The following TBL1XR1 variants were observed in gnomAD, a reference collection of about 807,000 sequenced individuals.
TBL1XR1 encodes F-box-like/WD repeat-containing protein TBL1XR1.
A neutral mutation model predicts 66.9 loss-of-function variants in TBL1XR1; 5 were observed. That is an observed-to-expected ratio of 0.07 (90% confidence interval 0.04 to 0.16). TBL1XR1 has a LOEUF of 0.16. Ranked by LOEUF, TBL1XR1 falls within the 10% of genes least tolerant of loss-of-function variation. TBL1XR1 has a pLI of 1.00. For missense variants in TBL1XR1, 238 were observed against 623.2 expected (o/e 0.38, Z 6.58); for synonymous variants, 210 against 206.0 (o/e 1.02, Z -0.17).
intron 1 of TBL1XR1, among the ~76,000 whole-genome samples, chr3:177,180,388 T>A (rs1734679142): frequency 8.2e-6 from 1 of 122,500 alleles, no homozygotes; most frequent in African/African-American, 3.2e-5. Context: ...CCCCCCCATT[T>A]AATAGTACCT....
rs1371939844 is a variant in TBL1XR1 at position 177,143,781 on chromosome 3, C to A, written c.-121-45240G>T. ...TATATAAGATGGGTCTCTGATAGTT[C>A]ATTCAGGCTCTAACAGAATTAAATT... On this transcript the variant is annotated intron_variant, in intron 1 of 15. Transcript: ENST00000457928. 8.0e-4 allele frequency among the ~76,000 whole-genome samples: 122 copies of A among 152,280 alleles called. No homozygotes were observed. The South Asian group carries it at 0.023, about 29-fold the overall frequency.
intron 1 of TBL1XR1, among the ~76,000 whole-genome samples, chr3:177,134,657 A>C (rs1438217236): frequency 6.6e-6 from 1 of 151,736 alleles, no homozygotes; most frequent in Non-Finnish European, 1.5e-5. Flanking sequence ...AATTTAAGAG[A>C]CTCTGTTCCT....
At chr3:177,137,307 C>G (rs564826331) in intron 1 of TBL1XR1, among the ~76,000 whole-genome samples, 2 of 152,268 alleles carry the variant, frequency 1.3e-5, no homozygotes, top group East Asian at 3.9e-4. Context: ...GCCTGGGCAA[C>G]ATGGCAAAAC....
intron 2 of TBL1XR1, among the ~76,000 whole-genome samples, chr3:177,072,541 A>G (rs1379996294): frequency 6.6e-6 from 1 of 152,186 alleles, no homozygotes; most frequent in Non-Finnish European, 1.5e-5. Flanking sequence ...TGAAAATCTT[A>G]AATGTTCAAA....
At chr3:177,159,607 C>T (rs1358307428) in intron 1 of TBL1XR1, among the ~76,000 whole-genome samples, 1 of 152,068 alleles carries the variant, frequency 6.6e-6, no homozygotes, top group Admixed American at 6.5e-5. Flanking sequence ...TTATAGCACC[C>T]CTTTGAAGCA....
intron 1 of TBL1XR1, among the ~76,000 whole-genome samples, chr3:177,131,825 A>G (rs186715683): frequency 3.8e-4 from 58 of 151,994 alleles, no homozygotes; most frequent in Admixed American, 3.5e-3. Flanking sequence ...GTCAAATCTT[A>G]AAACACATTA....
At chr3:177,102,356 G>T (rs1724328717) in intron 1 of TBL1XR1, among the ~76,000 whole-genome samples, 1 of 152,066 alleles carries the variant, frequency 6.6e-6, no homozygotes, top group African/African-American at 2.4e-5. Flanking sequence ...AAATTAATCT[G>T]GAAAATTTCT....
intron 15 of TBL1XR1, chr3:177,026,153 A>G: frequency 1.9e-6 from 1 of 519,394 alleles, no homozygotes; most frequent in Non-Finnish European, 3.3e-6. Flanking sequence ...ATAACTGTCC[A>G]TTTCTAGATT....
At chr3:177,110,422 A>G (rs1034488581) in intron 1 of TBL1XR1, among the ~76,000 whole-genome samples, 2 of 152,232 alleles carry the variant, frequency 1.3e-5, no homozygotes, top group African/African-American at 4.8e-5. Context: ...TTACGAATTT[A>G]AAATACCTGA....
intron 1 of TBL1XR1, among the ~76,000 whole-genome samples, chr3:177,140,417 C>T (rs1274885684): frequency 6.6e-6 from 1 of 152,238 alleles, no homozygotes; most frequent in African/African-American, 2.4e-5. Flanking sequence ...GCAGTCTCAT[C>T]CACCACACAA....
At chr3:177,128,087 T>G (rs564619877) in intron 1 of TBL1XR1, among the ~76,000 whole-genome samples, 1 of 151,984 alleles carries the variant, frequency 6.6e-6, no homozygotes, top group Admixed American at 6.6e-5. Flanking sequence ...GGCGTGGTGG[T>G]GCACACCTAT....
chr3:177,062,750 AT>A (rs905066271), intron 3 of TBL1XR1, among the ~76,000 whole-genome samples: 4 of 151,800 alleles, frequency 2.6e-5, no homozygotes, highest in African/African-American at 9.7e-5. Flanking sequence ...TACCATACAA[AT>A]TTTTTTTTAA....
chr3:177,083,752 C>T (rs1721744467), intron 2 of TBL1XR1, among the ~76,000 whole-genome samples: 2 of 152,004 alleles, frequency 1.3e-5, no homozygotes, highest in African/African-American at 4.8e-5. Flanking sequence ...TGCAACTTGC[C>T]CATCAAGTAA....
intron 1 of TBL1XR1, among the ~76,000 whole-genome samples, chr3:177,188,237 T>C (rs905782152): frequency 2.0e-5 from 3 of 150,924 alleles, no homozygotes; most frequent in African/African-American, 7.3e-5. Context: ...GCCCAGAGAA[T>C]ACAATTTCAT....
chr3:177,138,470 T>C (rs944599822), intron 1 of TBL1XR1, among the ~76,000 whole-genome samples: 1 of 152,060 alleles, frequency 6.6e-6, no homozygotes, highest in African/African-American at 2.4e-5. Flanking sequence ...CACACTCCTG[T>C]GATCCCAGCT....
At chr3:177,152,843 C>G (rs1731054637) in intron 1 of TBL1XR1, among the ~76,000 whole-genome samples, 1 of 152,122 alleles carries the variant, frequency 6.6e-6, no homozygotes, top group African/African-American at 2.4e-5. Context: ...TCCTAAAAGC[C>G]TGCTTAGATC....
At chr3:177,174,562 A>C (rs1171263121) in intron 1 of TBL1XR1, among the ~76,000 whole-genome samples, 1 of 152,106 alleles carries the variant, frequency 6.6e-6, no homozygotes, top group East Asian at 1.9e-4. Flanking sequence ...CCCAATCTTC[A>C]TACTCCTGTT....
intron 3 of TBL1XR1, among the ~76,000 whole-genome samples, chr3:177,061,307 CT>C (rs1355796226): frequency 6.6e-6 from 1 of 152,074 alleles, no homozygotes; most frequent in Non-Finnish European, 1.5e-5. Flanking sequence ...CAGATAGTAT[CT>C]TATAGTATTG....
intron 3 of TBL1XR1, among the ~76,000 whole-genome samples, chr3:177,059,518 G>C (rs1718237993): frequency 6.6e-6 from 1 of 152,032 alleles, no homozygotes; most frequent in Non-Finnish European, 1.5e-5. Flanking sequence ...AACATTTGAA[G>C]TAATAATCAT....
Sources: allele counts gnomAD v4.1 joint callset (sites outside exome capture counted in the v4.1 genomes callset), GRCh38; gene constraint gnomAD v4.1.1; transcripts MANE v1.5; gene names NCBI Gene and HGNC (gene_info 2026-07-23, HGNC 2026-07-21).